Variants in OR51C1 observed in about 807,000 individuals in gnomAD.
OR51C1 encodes olfactory receptor family 51 subfamily C member 1, also known as olfactory receptor OR51C1.
chr11:4,693,403 C>A, the OR51C1 span, among the ~76,000 whole-genome samples: 2 of 152,134 alleles, frequency 1.3e-5, no homozygotes, highest in South Asian at 4.1e-4. Context: ...GAAGAATTCC[C>A]AGGCTTTCAG....
At chr11:4,694,575 T>TATACAC in the OR51C1 span, among the ~76,000 whole-genome samples, 119 of 147,942 alleles carry the variant, frequency 8.0e-4, no homozygotes, top group Non-Finnish European at 1.2e-3. Context: ...CATATATATA[T>TATACAC]ACACACACAC....
chr11:4,690,716 T>C, the OR51C1 span: 1 of 349,190 alleles, frequency 2.9e-6, no homozygotes, highest in South Asian at 2.3e-5. Context: ...ACCTGAAGTA[T>C]ACCATCTTGA....
chr11:4,691,555 C>G, the OR51C1 span: 3 of 456,776 alleles, frequency 6.6e-6, no homozygotes, highest in South Asian at 4.7e-5. Flanking sequence ...GTGATGGTAG[C>G]GAAGAGGATC....
chr11:4,690,995 C>T, the OR51C1 span: 1 of 454,700 alleles, frequency 2.2e-6, no homozygotes, highest in African/African-American at 2.0e-5. Context: ...AGGTTTCCTT[C>T]CTCTCTTCTG....
At chr11:4,695,443 T>C in the OR51C1 span, among the ~76,000 whole-genome samples, 2 of 152,226 alleles carry the variant, frequency 1.3e-5, no homozygotes, top group African/African-American at 4.8e-5. Context: ...ATAGTTTTCA[T>C]AATTAGCCTT....
chr11:4,694,573 T>TACACACACACACAC, the OR51C1 span, among the ~76,000 whole-genome samples: 1 of 118,874 alleles, frequency 8.4e-6, no homozygotes, highest in Non-Finnish European at 2.0e-5. Flanking sequence ...TACATATATA[T>TACACACACACACAC]ATACACACAC....
the OR51C1 span, chr11:4,690,611 C>G: frequency 1.7e-5 from 5 of 293,190 alleles, no homozygotes; most frequent in Non-Finnish European, 3.3e-5. Flanking sequence ...AGCTGATGTT[C>G]TAGATACATT....
the OR51C1 span, among the ~76,000 whole-genome samples, chr11:4,695,162 G>C: frequency 6.6e-6 from 1 of 152,142 alleles, no homozygotes; most frequent in Non-Finnish European, 1.5e-5. Flanking sequence ...AATTTTTGCA[G>C]AGCATCAAGA....
chr11:4,693,917 C>G, the OR51C1 span, among the ~76,000 whole-genome samples: 29 of 152,130 alleles, frequency 1.9e-4, no homozygotes, highest in East Asian at 4.8e-3. Context: ...AGAGCAGAAC[C>G]GTTTTTCAAT....
the OR51C1 span, among the ~76,000 whole-genome samples, chr11:4,697,380 A>C: frequency 6.6e-6 from 1 of 152,244 alleles, no homozygotes. Context: ...GGGCATAGAA[A>C]TGAGATTCAC....
At chr11:4,690,827 G>A in the OR51C1 span, 2 of 453,758 alleles carry the variant, frequency 4.4e-6, no homozygotes, top group Non-Finnish European at 8.9e-6. Context: ...CACTGTAGAT[G>A]ACAGGGTTCA....
At chr11:4,694,254 C>T in the OR51C1 span, among the ~76,000 whole-genome samples, 6 of 151,806 alleles carry the variant, frequency 4.0e-5, no homozygotes, top group African/African-American at 1.2e-4. Context: ...CAAAAGAAAA[C>T]CATAGTGTAT....
At chr11:4,694,565 CATAT>C in the OR51C1 span, among the ~76,000 whole-genome samples, 7 of 137,310 alleles carry the variant, frequency 5.1e-5, no homozygotes, top group Non-Finnish European at 1.6e-5. Context: ...CACACACATA[CATAT>C]ATATATACAC....
the OR51C1 span, among the ~76,000 whole-genome samples, chr11:4,697,152 A>T: frequency 2.6e-5 from 4 of 152,188 alleles, no homozygotes; most frequent in African/African-American, 9.6e-5. Flanking sequence ...ATCACATACA[A>T]CTGGTGAAAG....
At chr11:4,691,684 T>C in the OR51C1 span, 1 of 376,954 alleles carries the variant, frequency 2.7e-6, no homozygotes. Context: ...GTGGAGGTGA[T>C]ATTCTGCAAA....
At chr11:4,696,352 AC>A in the OR51C1 span, among the ~76,000 whole-genome samples, 1 of 151,830 alleles carries the variant, frequency 6.6e-6, no homozygotes, top group African/African-American at 2.4e-5. Context: ...ATTACTACCC[AC>A]CACACACACA....
At chr11:4,696,615 A>G in the OR51C1 span, among the ~76,000 whole-genome samples, 4 of 152,338 alleles carry the variant, frequency 2.6e-5, no homozygotes, top group African/African-American at 9.6e-5. Flanking sequence ...AGAAGGAGGC[A>G]CTAAATTTCC....
At chr11:4,694,212 T>C in the OR51C1 span, among the ~76,000 whole-genome samples, 2 of 152,050 alleles carry the variant, frequency 1.3e-5, no homozygotes, top group Non-Finnish European at 2.9e-5. Context: ...GTAGTTTTTT[T>C]CCTCCTTCTT....
chr11:4,691,568 G>C, the OR51C1 span: 5 of 456,946 alleles, frequency 1.1e-5, no homozygotes, highest in Non-Finnish European at 2.2e-5. Context: ...AGAGGATCAG[G>C]CTGTTTCCCA....
Sources: gnomAD v4.1 joint callset for allele counts (sites outside exome capture counted in the v4.1 genomes callset) on GRCh38, gnomAD v4.1.1 for gene constraint, MANE v1.5 for transcripts, NCBI Gene and HGNC (gene_info 2026-07-23, HGNC 2026-07-21) for gene names.